The following USH2A variants were observed in gnomAD, a reference collection of about 807,000 sequenced individuals.
The protein encoded by USH2A is usherin, also known as Usher syndrome 2A (autosomal recessive, mild).
Under a neutral mutation model 538.9 loss-of-function variants are expected in USH2A, and 443 were observed. The ratio of observed to expected loss-of-function variants is 0.82; its 90% CI spans 0.76 to 0.89. The LOEUF (loss-of-function observed/expected upper bound fraction) is 0.89. Among genes scored for constraint, USH2A ranks in the 40% least tolerant of loss-of-function variants. The pLI is 0.00. For missense variants in USH2A, 6,633 were observed against 6,324.8 expected, an observed-to-expected ratio of 1.05 and a Z score of -1.65; for synonymous variants, 2,413 against 2,273.5, an observed-to-expected ratio of 1.06 and a Z score of -1.75.
chr1:216,001,699 A>G (rs192303796), intron 32 of USH2A, among the ~76,000 whole-genome samples: 8 of 152,324 alleles, frequency 5.3e-5, no homozygotes, highest in Admixed American at 3.9e-4. Flanking sequence ...TTCATATTGA[A>G]GAGATTAATG....
At chr1:215,663,746 AATC>A (rs1183227686) in intron 64 of USH2A, among the ~76,000 whole-genome samples, 1 of 152,126 alleles carries the variant, frequency 6.6e-6, no homozygotes, top group Non-Finnish European at 1.5e-5. Flanking sequence ...TAATAATAAT[AATC>A]ATTATTGTTA....
chr1:215,962,643 G>A (rs370774348), intron 37 of USH2A, among the ~76,000 whole-genome samples: 15 of 123,470 alleles, frequency 1.2e-4, no homozygotes, highest in Middle Eastern at 4.0e-3. Flanking sequence ...GGGGAAATAT[G>A]TGTTTGTTTA....
intron 15 of USH2A, among the ~76,000 whole-genome samples, chr1:216,210,030 A>T (rs1217503542): frequency 1.3e-5 from 2 of 152,140 alleles, no homozygotes; most frequent in Non-Finnish European, 2.9e-5. Context: ...GTGGGTCATG[A>T]GACCCTCATT....
At chr1:215,836,535 TATATATA>T (rs1663526462) in intron 47 of USH2A, among the ~76,000 whole-genome samples, 2 of 24,240 alleles carry the variant, frequency 8.3e-5, no homozygotes, top group African/African-American at 3.0e-4. Flanking sequence ...ATTATATATA[TATATATA>T]ATATATATAT....
In USH2A at chr1:216,164,970, A is replaced by G. The variant is rs141117448; in HGVS notation, c.4627+10282T>C. 2.2e-3 allele frequency among the ~76,000 whole-genome samples: 331 copies of G among 152,274 alleles called. 1 individual carries two copies. Among genetic ancestry groups the G allele is most frequent in the African/African-American group, 7.8e-3 (323 of 41,568 alleles). Reference sequence around the variant, plus strand: ...GGGAATGACTTGTGCAAAGTCGCACACCAGCATGTTGGGGAGCCAGATTTG... The same window carrying G: ...GGGAATGACTTGTGCAAAGTCGCACGCCAGCATGTTGGGGAGCCAGATTTG... On this transcript the variant is annotated intron_variant, in intron 21 of 71. Transcript: ENST00000307340.
intron 21 of USH2A, among the ~76,000 whole-genome samples, chr1:216,107,309 T>G (rs2102582372): frequency 6.6e-6 from 1 of 151,960 alleles, no homozygotes; most frequent in South Asian, 2.1e-4. Context: ...ATTTTGAAAC[T>G]CTATTACTAC....
chr1:215,964,063 G>A (rs998113298), intron 37 of USH2A, among the ~76,000 whole-genome samples: 1 of 152,042 alleles, frequency 6.6e-6, no homozygotes, highest in African/African-American at 2.4e-5. Context: ...TTTGAGAGAC[G>A]GGATGACAAC....
chr1:216,164,535 G>C (rs1052514593), intron 21 of USH2A, among the ~76,000 whole-genome samples: 3 of 152,068 alleles, frequency 2.0e-5, no homozygotes, highest in African/African-American at 7.2e-5. Flanking sequence ...TGAAGACAGG[G>C]GGAATAATAG....
chr1:216,115,865 G>GTTTTCCTTTATAAA (rs2102589855), intron 21 of USH2A, among the ~76,000 whole-genome samples: 1 of 151,740 alleles, frequency 6.6e-6, no homozygotes, highest in Non-Finnish European at 1.5e-5. Context: ...CTACATAAAG[G>GTTTTCCTTTATAAA]ACTTGCTTGT....
chr1:216,396,047 G>C (rs922087232), intron 3 of USH2A, among the ~76,000 whole-genome samples: 2 of 152,016 alleles, frequency 1.3e-5, no homozygotes, highest in African/African-American at 4.8e-5. Context: ...ATTGTCAAGG[G>C]GCAGTGACAG....
intron 31 of USH2A, among the ~76,000 whole-genome samples, chr1:216,047,479 T>C (rs1342915957): frequency 1.3e-5 from 2 of 152,098 alleles, no homozygotes; most frequent in African/African-American, 4.8e-5. Flanking sequence ...ATGCTGAGGC[T>C]GGGTCACTGA....
intron 47 of USH2A, among the ~76,000 whole-genome samples, chr1:215,822,515 T>G (rs1194967373): frequency 6.6e-6 from 1 of 151,936 alleles, no homozygotes; most frequent in East Asian, 1.9e-4. Context: ...TTCTAACAGG[T>G]TTTTTGGTGG....
At chr1:216,269,531 C>T (rs947658951) in intron 11 of USH2A, among the ~76,000 whole-genome samples, 2 of 152,052 alleles carry the variant, frequency 1.3e-5, no homozygotes, top group Non-Finnish European at 2.9e-5. Flanking sequence ...ATGATCATAA[C>T]CCCTATGTTA....
At chr1:215,836,643 G>C (rs1278294168) in intron 47 of USH2A, among the ~76,000 whole-genome samples, 1 of 128,226 alleles carries the variant, frequency 7.8e-6, no homozygotes, top group African/African-American at 2.9e-5. Flanking sequence ...TCCAAGTTCC[G>C]CCTCCCAGGT....
rs576484087 is a variant in USH2A at position 216,246,137 on chromosome 1, A to G, written c.2809+448T>C. ...TGGAAACAATTCTAGGTATTTCTAT[A>G]TAAAACTAGAACATATAGCCTCTTC... On this transcript the variant is annotated intron_variant, in intron 13 of 71. Coordinates refer to ENST00000307340, the MANE Select transcript of USH2A (RefSeq NM_206933.4). Among the ~76,000 whole-genome samples the G allele has an allele frequency of 2.6e-5, 4 of 152,336 alleles. No individual in the cohort carries two copies. In the East Asian group the frequency reaches 5.8e-4, roughly 22 times the overall value.
intron 32 of USH2A, among the ~76,000 whole-genome samples, chr1:216,044,180 C>T (rs912974879): frequency 8.5e-5 from 13 of 152,166 alleles, no homozygotes; most frequent in African/African-American, 3.1e-4. Context: ...AAACAAAAAG[C>T]AGCGATGTAA....
chr1:215,913,220 G>T (rs1665859967), intron 38 of USH2A, among the ~76,000 whole-genome samples: 2 of 152,108 alleles, frequency 1.3e-5, no homozygotes, highest in South Asian at 4.1e-4. Context: ...ACTAGCCAGA[G>T]TCACACCATT....
chr1:215,826,485 G>T (rs1269418658), intron 47 of USH2A, among the ~76,000 whole-genome samples: 1 of 152,142 alleles, frequency 6.6e-6, no homozygotes, highest in Non-Finnish European at 1.5e-5. Context: ...GAAAGAAAGA[G>T]TAAGAGGGAA....
chr1:216,021,383 G>A (rs1195825830), intron 32 of USH2A, among the ~76,000 whole-genome samples: 27 of 152,150 alleles, frequency 1.8e-4, no homozygotes, highest in Non-Finnish European at 2.1e-4. Flanking sequence ...TTCCCCTTTC[G>A]CTTGGTTCTC....
Sources: gnomAD v4.1 joint callset for allele counts (sites outside exome capture counted in the v4.1 genomes callset) on GRCh38, gnomAD v4.1.1 for gene constraint, MANE v1.5 for transcripts, NCBI Gene and HGNC (gene_info 2026-07-23, HGNC 2026-07-21) for gene names.